Variants in BICD1 observed in about 807,000 individuals in gnomAD.
BICD1 encodes protein bicaudal D homolog 1.
Under a neutral mutation model 92.5 loss-of-function variants are expected in BICD1, and 35 were observed. The observed-to-expected ratio is 0.38, with a 90% confidence interval of 0.29 to 0.50. The LOEUF (loss-of-function observed/expected upper bound fraction) is 0.50. BICD1 is among the 20% of genes least tolerant of loss of function. The pLI, the probability that BICD1 is intolerant of heterozygous loss-of-function variation, is 0.93. For synonymous variants in BICD1, 429 were observed against 465.1 expected (o/e 0.92, Z 1.00); for missense variants, 950 against 1,189.8 (o/e 0.80, Z 2.97).
intron 2 of BICD1, among the ~76,000 whole-genome samples, chr12:32,266,301 T>C (rs1946994172): frequency 1.3e-5 from 2 of 152,238 alleles, no homozygotes; most frequent in Non-Finnish European, 2.9e-5. Context: ...TTATATTTTC[T>C]GGAAATTTCA....
intron 1 of BICD1, among the ~76,000 whole-genome samples, chr12:32,191,638 ATAT>A (rs1462987074): frequency 2.7e-5 from 4 of 147,730 alleles, no homozygotes; most frequent in Non-Finnish European, 5.9e-5. Flanking sequence ...TATATGTTAT[ATAT>A]TATATGTTAT....
chr12:32,137,411 C>A (rs930378063), intron 1 of BICD1, among the ~76,000 whole-genome samples: 1 of 152,008 alleles, frequency 6.6e-6, no homozygotes, highest in African/African-American at 2.4e-5. Context: ...TTTTTATAAG[C>A]AAATTATTTT....
intron 1 of BICD1, among the ~76,000 whole-genome samples, chr12:32,194,099 T>C (rs764462748): frequency 6.6e-6 from 1 of 152,168 alleles, no homozygotes; most frequent in Non-Finnish European, 1.5e-5. Flanking sequence ...GGGATAAAAA[T>C]CACATGATCA....
chr12:32,301,404 G>C (rs1181796062), intron 3 of BICD1, among the ~76,000 whole-genome samples: 2 of 152,110 alleles, frequency 1.3e-5, no homozygotes, highest in South Asian at 2.1e-4. Flanking sequence ...AGGTTGGAGA[G>C]AGTCAGTCAC....
At chr12:32,314,197 G>GT (rs1948444752) in intron 4 of BICD1, among the ~76,000 whole-genome samples, 1 of 152,180 alleles carries the variant, frequency 6.6e-6, no homozygotes, top group Non-Finnish European at 1.5e-5. Flanking sequence ...TTAGTTGTTT[G>GT]TTTTTTTAGC....
At chr12:32,272,189 G>C (rs1213505919) in intron 2 of BICD1, among the ~76,000 whole-genome samples, 1 of 152,058 alleles carries the variant, frequency 6.6e-6, no homozygotes, top group African/African-American at 2.4e-5. Context: ...TGTTGCTCCT[G>C]GACAAAACTG....
intron 1 of BICD1, among the ~76,000 whole-genome samples, chr12:32,139,271 G>C (rs1415565688): frequency 6.6e-6 from 1 of 152,076 alleles, no homozygotes; most frequent in Non-Finnish European, 1.5e-5. Context: ...ATAAGGTCAG[G>C]TTTCTTACAT....
chr12:32,333,162 T>C, intron 5 of BICD1: 3 of 984,568 alleles, frequency 3.0e-6, no homozygotes, highest in Non-Finnish European at 3.6e-6. Context: ...ATTTCACAAC[T>C]TAAACATACT....
chr12:32,318,633 T>C (rs894035895), intron 4 of BICD1, among the ~76,000 whole-genome samples: 4 of 152,190 alleles, frequency 2.6e-5, no homozygotes, highest in Non-Finnish European at 4.4e-5. Context: ...GGCAGGTGGA[T>C]CACCTGAGGT....
intron 3 of BICD1, among the ~76,000 whole-genome samples, chr12:32,304,736 G>A (rs939359715): frequency 5.9e-5 from 9 of 152,174 alleles, no homozygotes; most frequent in Non-Finnish European, 1.2e-4. Flanking sequence ...AACAACATAT[G>A]GCCAGGTGCA....
intron 1 of BICD1, among the ~76,000 whole-genome samples, chr12:32,143,042 A>C (rs1273485846): frequency 6.6e-6 from 1 of 152,008 alleles, no homozygotes; most frequent in Admixed American, 6.6e-5. Context: ...TCCTGATTAT[A>C]TTTTTTGTTT....
chr12:32,321,404 A>G (rs1592669688), intron 4 of BICD1, among the ~76,000 whole-genome samples: 1 of 152,172 alleles, frequency 6.6e-6, no homozygotes, highest in Admixed American at 6.6e-5. Flanking sequence ...AACAATAATC[A>G]TAGTAAACAT....
At chr12:32,218,635 T>A (rs780309634) in intron 2 of BICD1, among the ~76,000 whole-genome samples, 4 of 152,224 alleles carry the variant, frequency 2.6e-5, no homozygotes, top group African/African-American at 7.2e-5. Context: ...AGTAAGAGAA[T>A]AACTTGTTAT....
At chr12:32,243,264 A>ATTTTTTTTTTT (rs71068310) in intron 2 of BICD1, among the ~76,000 whole-genome samples, 17 of 74,034 alleles carry the variant, frequency 2.3e-4, no homozygotes, top group African/African-American at 4.9e-4. Flanking sequence ...TGCCTGGCTA[A>ATTTTTTTTTTT]TTTTTTTTTT....
At chr12:32,189,840 A>G (rs1426177241) in intron 1 of BICD1, among the ~76,000 whole-genome samples, 1 of 151,898 alleles carries the variant, frequency 6.6e-6, no homozygotes, top group South Asian at 2.1e-4. Flanking sequence ...CTGGGACTAC[A>G]GGCACGCACC....
chr12:32,174,163 G>T (rs968357966), intron 1 of BICD1, among the ~76,000 whole-genome samples: 4 of 152,134 alleles, frequency 2.6e-5, no homozygotes, highest in African/African-American at 9.6e-5. Flanking sequence ...CTCTTTCTCT[G>T]TGGGCTTTAT....
chr12:32,229,430 A>G (rs1945803169), intron 2 of BICD1, among the ~76,000 whole-genome samples: 1 of 152,190 alleles, frequency 6.6e-6, no homozygotes, highest in Non-Finnish European at 1.5e-5. Flanking sequence ...AAAGGAGACT[A>G]AAAAATAGTA....
At chr12:32,317,176 T>C (rs1042583441) in intron 4 of BICD1, among the ~76,000 whole-genome samples, 2 of 152,222 alleles carry the variant, frequency 1.3e-5, no homozygotes, top group African/African-American at 4.8e-5. Context: ...TACGTGTGCA[T>C]GTGTCTTTAT....
At chr12:32,154,170 A>G (rs963033226) in intron 1 of BICD1, among the ~76,000 whole-genome samples, 5 of 152,208 alleles carry the variant, frequency 3.3e-5, no homozygotes, top group Non-Finnish European at 7.3e-5. Context: ...TAAGTTCATT[A>G]TGATAAAGTT....
Sources: gnomAD v4.1 joint callset for allele counts (sites outside exome capture counted in the v4.1 genomes callset) on GRCh38, gnomAD v4.1.1 for gene constraint, MANE v1.5 for transcripts, NCBI Gene and HGNC (gene_info 2026-07-23, HGNC 2026-07-21) for gene names.